OR51B5: variants seen among roughly 807,000 people sequenced by gnomAD.
OR51B5 encodes the protein olfactory receptor family 51 subfamily B member 5.
For synonymous variants in OR51B5, 186 were observed against 144.8 expected, an observed-to-expected ratio of 1.28 and a Z score of -2.04; for missense variants, 456 against 374.6, an observed-to-expected ratio of 1.22 and a Z score of -1.79.
At chr11:5,505,311 G>A in intron 1 of OR51B5, 1 of 1,302,020 alleles carries the variant, frequency 7.7e-7, no homozygotes, top group Non-Finnish European at 1.0e-6. Flanking sequence ...GGGGTTCAAT[G>A]TATATCTTCC....
At chr11:5,478,972 C>A (rs1851365611) in intron 1 of OR51B5, among the ~76,000 whole-genome samples, 2 of 152,036 alleles carry the variant, frequency 1.3e-5, no homozygotes, top group Admixed American at 6.5e-5. Flanking sequence ...CCCAATCTAG[C>A]AAGGCAGGTC....
At chr11:5,394,952 T>C (rs1265369171) in intron 1 of OR51B5, among the ~76,000 whole-genome samples, 3 of 152,076 alleles carry the variant, frequency 2.0e-5, no homozygotes, top group Non-Finnish European at 2.9e-5. Flanking sequence ...GACTTTTGTC[T>C]GGGAAAAGAA....
chr11:5,406,797 T>C (rs1359560365), intron 1 of OR51B5, among the ~76,000 whole-genome samples: 1 of 152,152 alleles, frequency 6.6e-6, no homozygotes, highest in African/African-American at 2.4e-5. Context: ...GTGAGCCTGA[T>C]ATTTATTGAG....
At chr11:5,499,992 C>T (rs377211181) in intron 1 of OR51B5, among the ~76,000 whole-genome samples, 1 of 152,170 alleles carries the variant, frequency 6.6e-6, no homozygotes, top group Non-Finnish European at 1.5e-5. Context: ...GGCAAATAGG[C>T]TCTAGAGTGC....
intron 1 of OR51B5, among the ~76,000 whole-genome samples, chr11:5,485,803 T>TA (rs1426147131): frequency 6.6e-6 from 1 of 152,228 alleles, no homozygotes; most frequent in African/African-American, 2.4e-5. Flanking sequence ...GGATGTCTGT[T>TA]ACAGGCTGAA....
intron 1 of OR51B5, chr11:5,389,547 C>T (rs1342170571): frequency 5.0e-6 from 8 of 1,613,944 alleles, no homozygotes; most frequent in Admixed American, 3.3e-5. Context: ...TACATGGTTG[C>T]CATCTCAGGC....
chr11:5,358,568 G>A (rs187436088), intron 1 of OR51B5, among the ~76,000 whole-genome samples: 23 of 152,280 alleles, frequency 1.5e-4, no homozygotes, highest in Admixed American at 3.3e-4. Context: ...AGAGGTACAA[G>A]GAGGAGCTGG....
At chr11:5,413,672 A>T (rs1390531693) in intron 1 of OR51B5, among the ~76,000 whole-genome samples, 2 of 152,362 alleles carry the variant, frequency 1.3e-5, no homozygotes, top group Non-Finnish European at 2.9e-5. Context: ...CAACTGGAAG[A>T]AAGGGTATCA....
intron 1 of OR51B5, among the ~76,000 whole-genome samples, chr11:5,400,900 C>A (rs867539757): frequency 1.3e-5 from 2 of 152,170 alleles, no homozygotes; most frequent in Admixed American, 6.5e-5. Context: ...TCAGCAGTGG[C>A]TGAATGGAAA....
upstream of OR51B5, chr11:5,345,686 GTC>G (rs1848979502): frequency 6.6e-6 from 1 of 151,996 alleles, no homozygotes; most frequent in South Asian, 2.1e-4. Context: ...TAAAAAGATG[GTC>G]GTATCCAAAT....
intron 1 of OR51B5, among the ~76,000 whole-genome samples, chr11:5,485,021 A>C (rs1851479708): frequency 6.6e-6 from 1 of 152,166 alleles, no homozygotes; most frequent in Non-Finnish European, 1.5e-5. Context: ...TTTCTCTGGC[A>C]ATGAAAAGTA....
chr11:5,394,342 T>C (rs1204901711), intron 1 of OR51B5, among the ~76,000 whole-genome samples: 3 of 152,192 alleles, frequency 2.0e-5, no homozygotes, highest in East Asian at 1.9e-4. Context: ...CAGTTCTGAC[T>C]GTGGTGCTTG....
chr11:5,374,200 C>T (rs1849488373), intron 1 of OR51B5, among the ~76,000 whole-genome samples: 1 of 152,216 alleles, frequency 6.6e-6, no homozygotes, highest in South Asian at 2.1e-4. Flanking sequence ...GCAGACACCG[C>T]TGCTGATACC....
intron 1 of OR51B5, chr11:5,351,674 C>A: frequency 6.2e-7 from 1 of 1,614,082 alleles, no homozygotes; most frequent in Non-Finnish European, 8.5e-7. Flanking sequence ...CTCCATGAGC[C>A]CATGTACTAT....
At chr11:5,424,777 G>C (rs190043112) in intron 1 of OR51B5, among the ~76,000 whole-genome samples, 83 of 137,680 alleles carry the variant, frequency 6.0e-4, no homozygotes, top group Non-Finnish European at 9.9e-4. Flanking sequence ...GTCAGCAGAT[G>C]GAGACCATCC....
chr11:5,463,376 G>C (rs187048784), intron 1 of OR51B5, among the ~76,000 whole-genome samples: 1 of 152,252 alleles, frequency 6.6e-6, no homozygotes, highest in Admixed American at 6.5e-5. Context: ...CTTTATTAAA[G>C]GTATGGATGA....
At chr11:5,504,205 AAAAG>A (rs1016653659) in intron 1 of OR51B5, among the ~76,000 whole-genome samples, 47 of 152,202 alleles carry the variant, frequency 3.1e-4, no homozygotes. Context: ...TTAAAGAAAA[AAAAG>A]AAATAACACT....
In OR51B5 at chr11:5,459,488, T is replaced by C. The variant is rs149812305; in HGVS notation, n.84+46081A>G. Among the ~76,000 whole-genome samples the C allele has an allele frequency of 8.8e-3, 1,279 of 144,556 alleles. 12 individuals are homozygous for C. Among genetic ancestry groups the C allele is most frequent in the Middle Eastern group, 0.055 (16 of 292 alleles). The allele number at this position is 144,556 out of a possible 152,430, so 94.8% of individuals were successfully genotyped here. A position where few individuals can be genotyped will look rare whatever the true frequency, so the allele number is the denominator to read the frequency against. ...CACTGGCCTCATAGAATGACTTTTG[T>C]CAGATGTATGCTTTGCAGATATTTT... On this transcript the variant is annotated intron_variant and non_coding_transcript_variant, in intron 1 of 4. Transcript: ENST00000415970.
chr11:5,360,550 A>T (rs1849267476), intron 1 of OR51B5, among the ~76,000 whole-genome samples: 1 of 151,972 alleles, frequency 6.6e-6, no homozygotes, highest in Non-Finnish European at 1.5e-5. Context: ...GTGAGACTGT[A>T]AACTAGTTCA....
Sources: gnomAD v4.1 joint callset for allele counts (sites outside exome capture counted in the v4.1 genomes callset) on GRCh38, gnomAD v4.1.1 for gene constraint, MANE v1.5 for transcripts, NCBI Gene and HGNC (gene_info 2026-07-23, HGNC 2026-07-21) for gene names.